ZNF765: variants seen among roughly 807,000 people sequenced by gnomAD.
The protein encoded by ZNF765 is zinc finger protein 765.
Under a neutral mutation model 44.7 loss-of-function variants are expected in ZNF765, and 37 were observed. The ratio of observed to expected loss-of-function variants is 0.83; its 90% CI spans 0.64 to 1.09. The LOEUF is 1.09. ZNF765 is among the 50% of genes least tolerant of loss of function. The probability of loss-of-function intolerance (pLI) is 0.00; values close to 1 mark genes in which losing one functional copy is unlikely to be tolerated. For synonymous variants in ZNF765, 201 were observed against 213.7 expected (o/e 0.94, Z 0.52); for missense variants, 594 against 626.1 (o/e 0.95, Z 0.55).
chr19:53,418,962 G>A (rs554548946), intron 3 of ZNF765, among the ~76,000 whole-genome samples: 12 of 143,214 alleles, frequency 8.4e-5, no homozygotes, highest in Admixed American at 2.2e-4. Flanking sequence ...CAAGAAAAGC[G>A]AATCTTAGGG....
At chr19:53,415,850 C>T (rs986107723), downstream of ZNF765, among the ~76,000 whole-genome samples, 1 of 152,180 alleles carries the variant, frequency 6.6e-6, no homozygotes, top group Non-Finnish European at 1.5e-5. Flanking sequence ...GCTCCTGAGT[C>T]CTGACTTCCT....
chr19:53,420,242 G>A (rs575591740), intron 3 of ZNF765, among the ~76,000 whole-genome samples: 51 of 151,026 alleles, frequency 3.4e-4, no homozygotes, highest in Admixed American at 9.2e-4. Flanking sequence ...TGAGGCAGGA[G>A]AAATGCTTAA....
At chr19:53,396,933 C>CT (rs369341281) in intron 1 of ZNF765, among the ~76,000 whole-genome samples, 225 of 152,364 alleles carry the variant, frequency 1.5e-3, no homozygotes, top group African/African-American at 5.0e-3. Flanking sequence ...GAGTGGTAGT[C>CT]TGCCTAGTCA....
exon 4 of ZNF765, chr19:53,423,602 T>C (rs10420022): frequency 0.081 from 22,761 of 281,184 alleles, 404 homozygotes; most frequent in Middle Eastern, 0.14. Context: ...ATCTCTGCAA[T>C]GATCAGTGCA....
chr19:53,414,477 ACACACACACACACCCC>A (rs1568786018), downstream of ZNF765, among the ~76,000 whole-genome samples: 1 of 10,528 alleles, frequency 9.5e-5, no homozygotes, highest in East Asian at 4.2e-3. Context: ...ACACACACAC[ACACACACACACACCCC>A]CCCCCCCCCC....
chr19:53,400,763 CATATAT>C (rs35520888), intron 2 of ZNF765, among the ~76,000 whole-genome samples: 5 of 116,798 alleles, frequency 4.3e-5, no homozygotes, highest in South Asian at 6.0e-4. Flanking sequence ...TATTTGTTGA[CATATAT>C]ATATATATAT....
At chr19:53,395,569 A>T (rs2085659063) in intron 1 of ZNF765, among the ~76,000 whole-genome samples, 1 of 152,160 alleles carries the variant, frequency 6.6e-6, no homozygotes, top group South Asian at 2.1e-4. Flanking sequence ...CGGCGGCCCC[A>T]GCCCCAAGGA....
chr19:53,412,168 T>C (rs1338243425), downstream of ZNF765, among the ~76,000 whole-genome samples: 1 of 152,234 alleles, frequency 6.6e-6, no homozygotes, highest in East Asian at 1.9e-4. Context: ...GGTCATTTCA[T>C]GGATGGTCTT....
In ZNF765 at chr19:53,409,698, A is replaced by G; in HGVS notation, c.*571A>G. The stretch of plus-strand genomic sequence containing the variant: ...TAGACTTCATACTGGAGGATACCTT[A>G]CAAATGTAATGAGTGTGGCAAGACC... On this transcript the variant is annotated 3_prime_UTR_variant, in exon 4 of 4. Coordinates refer to ENST00000396408, the MANE Select transcript of ZNF765 (RefSeq NM_001040185.3). The G allele has an allele frequency of 9.4e-7, 1 of 1,061,670 alleles. No homozygotes were observed. Among genetic ancestry groups the G allele is most frequent in the South Asian group, 1.2e-5 (1 of 80,160 alleles). The allele number at this position is 1,061,670 out of a possible 1,614,324, so 65.8% of individuals were successfully genotyped here.
chr19:53,408,161 C>T lies in ZNF765; in HGVS notation c.606C>T (p.Phe202=). 6.2e-6 allele frequency: 10 copies of T among 1,613,932 alleles called. No homozygotes were observed. The highest frequency in any genetic ancestry group is 8.5e-6 in the Non-Finnish European group (10 of 1,179,894). ...YGNNFLNSSL[F]TQKQEVHMRE... is the part of the protein sequence containing the mutation. The stretch of plus-strand genomic sequence containing the variant: ...ATAATTTCCTGAATTCTTCATTATT[C>T]ACACAAAAACAGGAAGTACATATGA... Residue 202 remains phenylalanine (F), a synonymous_variant, in exon 4 of 4, where the codon TTC becomes TTT. Coordinates refer to ENST00000396408, the MANE Select transcript of ZNF765 (RefSeq NM_001040185.3).
chr19:53,408,811 C>A lies in ZNF765; in HGVS notation c.1256C>A (p.Thr419Asn). ...KPYKCNECGKTFNQQLTLNIC... is the reference protein window; with the variant it reads ...KPYKCNECGKNFNQQLTLNIC... ...TACAAGTGTAATGAGTGTGGCAAGACCTTCAATCAGCAGTTAACCCTTAAC... is the reference window on the plus strand; with the variant it reads ...TACAAGTGTAATGAGTGTGGCAAGAACTTCAATCAGCAGTTAACCCTTAAC... Residue 419 changes from threonine to asparagine, a missense_variant, in exon 4 of 4, where the codon ACC (threonine) becomes AAC (asparagine). By Grantham distance (65) the Thr-to-Asn change is moderately conservative (BLOSUM62 0). This residue lies in a region of ZNF765 where 567 missense variants were observed against 572.6 expected (regional missense o/e 0.99). Transcript: ENST00000396408. 6 of 1,614,098 alleles carry A rather than the reference C, an allele frequency of 3.7e-6. No homozygotes were observed. Among genetic ancestry groups the A allele is most frequent in the Non-Finnish European group, 5.1e-6 (6 of 1,180,020 alleles).
chr19:53,407,932 A>T lies in ZNF765; in HGVS notation c.377A>T (p.Tyr126Phe). Residue 126 changes from tyrosine to phenylalanine, a missense_variant, in exon 4 of 4, where the codon TAT (tyrosine) becomes TTT (phenylalanine). By Grantham distance (22) the Tyr-to-Phe change is conservative (BLOSUM62 3). Coordinates refer to ENST00000396408, the MANE Select transcript of ZNF765 (RefSeq NM_001040185.3). ...IKKLTGSTER[Y>F]DQNYAGNKPV... ...AAGTTGACAGGTAGTACAGAGCGATATGATCAAAATTATGCTGGAAACAAG... is the reference window on the plus strand; with the variant it reads ...AAGTTGACAGGTAGTACAGAGCGATTTGATCAAAATTATGCTGGAAACAAG... 6.2e-7 allele frequency: 1 copy of T among 1,614,200 alleles called. No homozygotes were observed. The highest frequency in any genetic ancestry group is 1.1e-5 in the South Asian group (1 of 91,088).
chr19:53,402,145 A>G lies in ZNF765; in HGVS notation c.96A>G (p.Leu32=), dbSNP rs533466105. 2.2e-5 allele frequency: 36 copies of G among 1,613,806 alleles called. No homozygotes were observed. The highest frequency in any genetic ancestry group is 1.8e-4 in the Admixed American group (11 of 59,964). Residue 32 remains leucine (L), a synonymous_variant, in exon 3 of 4, where the codon CTA becomes CTG. Coordinates refer to ENST00000396408, the MANE Select transcript of ZNF765 (RefSeq NM_001040185.3). ...GCCTGGACCCTGCTCAGAGGACTCT[A>G]TACAGGGACGTGATGCTGGAGAATT... is the stretch of plus-strand genomic sequence containing the variant. ...WKCLDPAQRT[L]YRDVMLENYR... is the part of the protein sequence containing the mutation.
In ZNF765 at chr19:53,423,667, A is replaced by C; in HGVS notation, c.*565A>C. The C allele has an allele frequency of 8.6e-6, 2 of 231,496 alleles. 1 individual carries two copies. The highest frequency in any genetic ancestry group is 1.0e-4 in the South Asian group (2 of 19,440). The allele number at this position is 231,496 out of a possible 1,614,324, so 14.3% of individuals were successfully genotyped here. A position where few individuals can be genotyped will look rare whatever the true frequency, so the allele number is the denominator to read the frequency against. On this transcript the variant is annotated 3_prime_UTR_variant, in exon 4 of 4. Coordinates refer to the ZNF765 transcript ENST00000594030. ...CATGAGTGGAGACTCCTGTGTATCC[A>C]AGCTTTGCTTTGCTTAGATAAGTAA...
At chr19:53,405,750 C>T (rs1413932118) in intron 3 of ZNF765, among the ~76,000 whole-genome samples, 1 of 151,184 alleles carries the variant, frequency 6.6e-6, no homozygotes, top group African/African-American at 2.4e-5. Context: ...CCAATATGAA[C>T]ATTCAGACCA....
chr19:53,403,169 A>AC, intron 3 of ZNF765, among the ~76,000 whole-genome samples: 1 of 152,058 alleles, frequency 6.6e-6, no homozygotes. Context: ...CAAAAAAAAA[A>AC]AGAAAAAAAA....
At chr19:53,421,859 G>A (rs1169420268) in intron 3 of ZNF765, among the ~76,000 whole-genome samples, 1 of 152,134 alleles carries the variant, frequency 6.6e-6, no homozygotes, top group Non-Finnish European at 1.5e-5. Context: ...ATGCCCTAGT[G>A]TTTCACGTCA....
downstream of ZNF765, among the ~76,000 whole-genome samples, chr19:53,415,717 G>C (rs906855607): frequency 6.6e-6 from 1 of 152,084 alleles, no homozygotes; most frequent in African/African-American, 2.4e-5. Context: ...CAAAGCCATG[G>C]GATCGACTCT....
At chr19:53,415,774 G>T (rs933206664), downstream of ZNF765, among the ~76,000 whole-genome samples, 2 of 152,010 alleles carry the variant, frequency 1.3e-5, no homozygotes, top group East Asian at 3.9e-4. Context: ...TCAGATTGTT[G>T]TCAGAATTCA....
Sources: gnomAD v4.1 joint callset for allele counts (sites outside exome capture counted in the v4.1 genomes callset) on GRCh38, gnomAD v4.1.1 for gene constraint, gnomAD v4.1.1 regional missense constraint, MANE v1.5 for transcripts, NCBI Gene and HGNC (gene_info 2026-07-23, HGNC 2026-07-21) for gene names.